HNRNPA1L2: variants seen among roughly 807,000 people sequenced by gnomAD.
HNRNPA1L2 encodes the protein heterogeneous nuclear ribonucleoprotein A1 like 2.
A neutral mutation model predicts 18.2 loss-of-function variants in HNRNPA1L2; 10 were observed. That is an observed-to-expected ratio of 0.55 (90% CI 0.34 to 0.93). HNRNPA1L2 has a LOEUF of 0.93. Among genes scored for constraint, HNRNPA1L2 ranks in the 40% least tolerant of loss-of-function variants. The pLI, the probability that HNRNPA1L2 is intolerant of heterozygous loss-of-function variation, is 0.02. For missense variants in HNRNPA1L2, 308 were observed against 394.4 expected (o/e 0.78, Z 1.85); for synonymous variants, 124 against 138.6 (o/e 0.89, Z 0.74).
At position 52,643,193 on chromosome 13, in the gene HNRNPA1L2, G is replaced by C; in HGVS notation, c.701G>C (p.Gly234Ala). ...GGTGGCTTTGGTGGCAGCTGTGGTG[G>C]TGGTGGATATGGTGGCAGTGGGGAT... Reference protein sequence around the residue: ...GRGGFGGSCGGGGYGGSGDGY... With the variant: ...GRGGFGGSCGAGGYGGSGDGY... Residue 234 changes from glycine (G) to alanine (A), a missense_variant, in exon 1 of 1, where the codon GGT (glycine) becomes GCT (alanine). Coordinates refer to ENST00000357495, the MANE Select transcript of HNRNPA1L2 (RefSeq NM_001389320.1). 6 of 1,597,896 alleles carry C rather than the reference G, an allele frequency of 3.8e-6. No individual in the cohort carries two copies. The highest frequency in any genetic ancestry group is 4.2e-6 in the Non-Finnish European group (5 of 1,179,812).
At chr13:52,619,879 C>T in the HNRNPA1L2 span, among the ~76,000 whole-genome samples, 1 of 143,712 alleles carries the variant, frequency 7.0e-6, no homozygotes, top group African/African-American at 2.6e-5. Context: ...TGAAATCGCG[C>T]CACTGCACTC....
At chr13:52,642,422 T>C (rs1961686672), upstream of HNRNPA1L2, 2 of 1,578,000 alleles carry the variant, frequency 1.3e-6, no homozygotes, top group African/African-American at 1.4e-5. Flanking sequence ...ATCTAAGATC[T>C]CTGGTGGACT....
the HNRNPA1L2 span, among the ~76,000 whole-genome samples, chr13:52,622,878 A>G: frequency 2.6e-5 from 4 of 152,062 alleles, no homozygotes; most frequent in African/African-American, 9.7e-5. Context: ...TTAATGATAC[A>G]TAATGATGTA....
the HNRNPA1L2 span, among the ~76,000 whole-genome samples, chr13:52,626,660 A>G: frequency 6.6e-6 from 1 of 151,658 alleles, no homozygotes; most frequent in Admixed American, 6.6e-5. Context: ...ATATACCTTC[A>G]CCCAGTTTTC....
chr13:52,620,548 T>G, the HNRNPA1L2 span, among the ~76,000 whole-genome samples: 2 of 152,228 alleles, frequency 1.3e-5, no homozygotes, highest in Non-Finnish European at 2.9e-5. Flanking sequence ...AAGTGTCTCC[T>G]GGAAACAGCT....
chr13:52,637,846 A>G (rs574685884), upstream of HNRNPA1L2, among the ~76,000 whole-genome samples: 51 of 152,272 alleles, frequency 3.3e-4, no homozygotes, highest in African/African-American at 1.2e-3. Context: ...ATATTATACT[A>G]TATGTTATCC....
chr13:52,630,308 A>G, the HNRNPA1L2 span, among the ~76,000 whole-genome samples: 1 of 151,986 alleles, frequency 6.6e-6, no homozygotes, highest in East Asian at 1.9e-4. Context: ...ACGGAGTCTC[A>G]CTCTGTCGCC....
At chr13:52,637,040 T>C in the HNRNPA1L2 span, among the ~76,000 whole-genome samples, 1 of 151,990 alleles carries the variant, frequency 6.6e-6, no homozygotes, top group Admixed American at 6.6e-5. Flanking sequence ...ACCATGTTGG[T>C]CAGGCTGGTA....
the HNRNPA1L2 span, among the ~76,000 whole-genome samples, chr13:52,633,818 G>GA: frequency 0.061 from 9,269 of 151,984 alleles, 321 homozygotes; most frequent in African/African-American, 0.094. Context: ...TCTCAAAGGG[G>GA]AAAAAGAAAA....
chr13:52,622,455 A>G, the HNRNPA1L2 span, among the ~76,000 whole-genome samples: 1 of 152,236 alleles, frequency 6.6e-6, no homozygotes, highest in Non-Finnish European at 1.5e-5. Context: ...TATTATATTT[A>G]AATAACAAGA....
At chr13:52,636,211 C>T in the HNRNPA1L2 span, among the ~76,000 whole-genome samples, 10 of 152,162 alleles carry the variant, frequency 6.6e-5, no homozygotes, top group African/African-American at 2.4e-4. Flanking sequence ...CCACATTTGG[C>T]TATTACAAAG....
At chr13:52,625,540 T>G in the HNRNPA1L2 span, among the ~76,000 whole-genome samples, 4 of 152,340 alleles carry the variant, frequency 2.6e-5, no homozygotes, top group East Asian at 3.9e-4. Flanking sequence ...ACTTTATAAA[T>G]TATAAAGCCA....
Position 52,643,169 on chromosome 13 carries a change from G to T in HNRNPA1L2, c.677G>T (p.Gly226Val). Reference sequence around the variant, plus strand: ...CGTGGAGGAAACTTCAGTGGTCGTGGTGGCTTTGGTGGCAGCTGTGGTGGT... The same window carrying T: ...CGTGGAGGAAACTTCAGTGGTCGTGTTGGCTTTGGTGGCAGCTGTGGTGGT... ...FGRGGNFSGR[G>V]GFGGSCGGGG... Residue 226 changes from glycine (G) to valine (V), a missense_variant, in exon 1 of 1, where the codon GGT (glycine) becomes GTT (valine). Coordinates refer to ENST00000357495, the MANE Select transcript of HNRNPA1L2 (RefSeq NM_001389320.1). 1 of 1,598,060 alleles carries T rather than the reference G, an allele frequency of 6.3e-7. No individual in the cohort carries two copies. The highest frequency in any genetic ancestry group is 8.5e-7 in the Non-Finnish European group (1 of 1,179,810).
the HNRNPA1L2 span, among the ~76,000 whole-genome samples, chr13:52,633,720 G>A: frequency 6.6e-6 from 1 of 152,096 alleles, no homozygotes; most frequent in Admixed American, 6.5e-5. Flanking sequence ...GGTTGAGGTG[G>A]GAGGATCACT....
upstream of HNRNPA1L2, among the ~76,000 whole-genome samples, chr13:52,639,882 T>TGTTTTGTTTTG (rs1961593276): frequency 1.8e-5 from 2 of 112,302 alleles, no homozygotes; most frequent in African/African-American, 3.0e-5. Flanking sequence ...TCTTGTTTTT[T>TGTTTTGTTTTG]TTTTTTTTTT....
upstream of HNRNPA1L2, chr13:52,641,584 C>T (rs342777): frequency 6.6e-6 from 1 of 152,122 alleles, no homozygotes; most frequent in Non-Finnish European, 1.5e-5. Context: ...GGAGTTCTCC[C>T]AAGTTTTGTC....
chr13:52,627,738 A>C, the HNRNPA1L2 span, among the ~76,000 whole-genome samples: 1 of 152,302 alleles, frequency 6.6e-6, no homozygotes, highest in African/African-American at 2.4e-5. Flanking sequence ...TTTTTAAAAA[A>C]CTTATGTCTT....
chr13:52,631,622 A>G, the HNRNPA1L2 span, among the ~76,000 whole-genome samples: 1 of 152,218 alleles, frequency 6.6e-6, no homozygotes, highest in Non-Finnish European at 1.5e-5. Flanking sequence ...CTTAATGTTC[A>G]TATGATATTT....
At chr13:52,634,511 GTTTT>G in the HNRNPA1L2 span, among the ~76,000 whole-genome samples, 1 of 152,122 alleles carries the variant, frequency 6.6e-6, no homozygotes, top group Non-Finnish European at 1.5e-5. Context: ...TCTAAAGAAT[GTTTT>G]TTGTTTCCAG....
Sources: allele counts gnomAD v4.1 joint callset (sites outside exome capture counted in the v4.1 genomes callset), GRCh38; gene constraint gnomAD v4.1.1; transcripts MANE v1.5; gene names NCBI Gene and HGNC (gene_info 2026-07-23, HGNC 2026-07-21).